The following ARGFX variants were observed in gnomAD, a reference collection of about 807,000 sequenced individuals.
ARGFX encodes the protein arginine-fifty homeobox.
ARGFX carries 10 observed loss-of-function variants against 8.0 expected under a neutral mutation model. That is an observed-to-expected ratio of 1.25 (90% CI 0.77 to 2.12). The LOEUF is 2.12. ARGFX is among the 30% of genes most tolerant of loss of function. The pLI, the probability that ARGFX is intolerant of heterozygous loss-of-function variation, is 0.00. For synonymous variants in ARGFX, 116 were observed against 117.8 expected (o/e 0.98, Z 0.10); for missense variants, 282 against 324.3 (o/e 0.87, Z 1.00).
At chr3:121,584,869 G>A in intron 3 of ARGFX, 48 bp from the exon 4 acceptor site, 1 of 1,577,948 alleles carries the variant, frequency 6.3e-7, no homozygotes, top group Non-Finnish European at 8.6e-7. Context: ...TGGGGGGAGA[G>A]ATTGGTAATG....
At position 121,587,902 on chromosome 3, in the gene ARGFX, CA is replaced by C. The variant is rs1407869494; in HGVS notation, c.*1303del. 6.6e-6 allele frequency among the ~76,000 whole-genome samples: 1 copy of C among 151,942 alleles called. No individual in the cohort carries two copies. Among genetic ancestry groups the C allele is most frequent in the Non-Finnish European group, 1.5e-5 (1 of 68,008 alleles). On this transcript the variant is annotated 3_prime_UTR_variant, in exon 5 of 5. Transcript: ENST00000334384. ...TTGGGTTTTTTTAAAATGAGACTTT[CA>C]GTCCTAATTTGAGGGGAAATTACTG...
chr3:121,575,650 A>G (rs908752035), intron 2 of ARGFX, among the ~76,000 whole-genome samples: 2 of 152,134 alleles, frequency 1.3e-5, no homozygotes, highest in Non-Finnish European at 1.5e-5. Flanking sequence ...ACAGTGCCTC[A>G]TGCCTGTAAT....
intron 1 of ARGFX, among the ~76,000 whole-genome samples, chr3:121,569,068 C>T (rs1429199019): frequency 2.6e-5 from 4 of 152,072 alleles, no homozygotes; most frequent in Non-Finnish European, 4.4e-5. Context: ...AAATGCGTGA[C>T]GTGTTAACTA....
intron 3 of ARGFX, among the ~76,000 whole-genome samples, chr3:121,578,885 G>A (rs966680579): frequency 6.7e-6 from 1 of 149,898 alleles, no homozygotes; most frequent in African/African-American, 2.5e-5. Context: ...CACCATGTTA[G>A]ACAGGATGGT....
rs1414827075 is a variant in ARGFX at position 121,580,604 on chromosome 3, A to ATTTT, written c.220+3705_220+3706insTTTT. ...TGTGTGTGTGTGTGTGTATATATAT[A>ATTTT]TATTTTTTTTTTTTTTTTGAGATGA... On this transcript the variant is annotated intron_variant, in intron 3 of 4. Coordinates refer to ENST00000334384, the MANE Select transcript of ARGFX (RefSeq NM_001012659.2). Among the ~76,000 whole-genome samples the ATTTT allele has an allele frequency of 4.3e-3, 415 of 96,262 alleles. 9 individuals carry two copies. The highest frequency in any genetic ancestry group is 0.022 in the East Asian group (42 of 1,890). The allele number at this position is 96,262 out of a possible 152,430, so 63.2% of individuals were successfully genotyped here.
In ARGFX at chr3:121,588,295, G is replaced by A. The variant is rs144196638; in HGVS notation, c.*1695G>A. 0.026 allele frequency among the ~76,000 whole-genome samples: 3,334 copies of A among 127,368 alleles called. 134 individuals carry two copies. Among genetic ancestry groups the A allele is most frequent in the African/African-American group, 0.094 (3,136 of 33,386 alleles). The allele number at this position is 127,368 out of a possible 152,430, so 83.6% of individuals were successfully genotyped here. ...AGCCTGACTAACATGGTGAAATCCC[G>A]TCTCTACTAAAAATACAAAAAAAAA... On this transcript the variant is annotated 3_prime_UTR_variant, in exon 5 of 5. Transcript: ENST00000334384.
Position 121,586,491 on chromosome 3 carries a change from C to G in ARGFX, c.839C>G (p.Pro280Arg). Reference protein sequence around the residue: ...IFAGPAVGLSPAQTWPNMTSQ... With the variant: ...IFAGPAVGLSRAQTWPNMTSQ... ...GCTGGTCCAGCTGTAGGCCTATCTCCTGCACAAACCTGGCCCAATATGACA... is the reference window on the plus strand; with the variant it reads ...GCTGGTCCAGCTGTAGGCCTATCTCGTGCACAAACCTGGCCCAATATGACA... Residue 280 changes from proline to arginine, a missense_variant, in exon 5 of 5, where the codon CCT becomes CGT. Physicochemically the swap from Pro to Arg is moderately radical, Grantham distance 103. Transcript: ENST00000334384. The G allele has an allele frequency of 6.2e-7, 1 of 1,614,194 alleles. No homozygotes were observed.
Position 121,586,219 on chromosome 3 carries a change from G to C in ARGFX, c.567G>C (p.Trp189Cys). 1 of 1,613,840 alleles carries C rather than the reference G, an allele frequency of 6.2e-7. No individual in the cohort carries two copies. Among genetic ancestry groups the C allele is most frequent in the Non-Finnish European group, 8.5e-7 (1 of 1,179,962 alleles). ...LPSQPLDPSN[W>C]AWNSTFTESS... The stretch of plus-strand genomic sequence containing the variant: ...CTCAGCCCTTAGACCCTTCCAATTG[G>C]GCATGGAACTCTACCTTCACTGAGA... The change falls in exon 5 of 5, where the codon TGG becomes TGC. Residue 189 changes from tryptophan to cysteine, a missense_variant. Trp to Cys is a radical substitution (Grantham distance 215). Coordinates refer to ENST00000334384, the MANE Select transcript of ARGFX (RefSeq NM_001012659.2).
At chr3:121,575,733 G>C (rs1003754257) in intron 2 of ARGFX, among the ~76,000 whole-genome samples, 6 of 152,070 alleles carry the variant, frequency 3.9e-5, no homozygotes, top group African/African-American at 1.4e-4. Flanking sequence ...GGCTGATATG[G>C]TGAAACCCCA....
In ARGFX at chr3:121,588,661, G is replaced by A. The variant is rs2048827836; in HGVS notation, c.*2061G>A. On this transcript the variant is annotated 3_prime_UTR_variant, in exon 5 of 5. Transcript: ENST00000334384. ...AGGCCAGGCGCAGTGGCTCACACCT[G>A]TAATCCCAGCACGTTGGGAGGCCAA... Among the ~76,000 whole-genome samples, 1 of 151,800 alleles carries A rather than the reference G, an allele frequency of 6.6e-6. No individual in the cohort carries two copies.
chr3:121,577,259 A>ATATATATATATTTT (rs1403064031), intron 3 of ARGFX, among the ~76,000 whole-genome samples: 21 of 59,596 alleles, frequency 3.5e-4, no homozygotes, highest in African/African-American at 1.1e-3. Context: ...ATATATATAT[A>ATATATATATATTTT]TTTTTTTTTT....
In ARGFX at chr3:121,586,638, G is replaced by A. The variant is rs1399218445; in HGVS notation, c.*38G>A. 3 of 1,518,584 alleles carry A rather than the reference G, an allele frequency of 2.0e-6. No individual in the cohort carries two copies. Among genetic ancestry groups the A allele is most frequent in the Non-Finnish European group, 2.7e-6 (3 of 1,118,454 alleles). The allele number at this position is 1,518,584 out of a possible 1,614,324, so 94.1% of individuals were successfully genotyped here. On this transcript the variant is annotated 3_prime_UTR_variant, in exon 5 of 5. Transcript: ENST00000334384. ...TAAATATAGATCATTTAGAAAAGTG[G>A]TCTTCTTGCCTCTTGTACATGACTG...
At chr3:121,578,970 C>T (rs1023053966) in intron 3 of ARGFX, among the ~76,000 whole-genome samples, 1 of 152,082 alleles carries the variant, frequency 6.6e-6, no homozygotes, top group Non-Finnish European at 1.5e-5. Context: ...AGCCACCGTG[C>T]CCGGCCTGAA....
chr3:121,573,610 C>A (rs1256879378), intron 2 of ARGFX, among the ~76,000 whole-genome samples: 1 of 150,256 alleles, frequency 6.7e-6, no homozygotes, highest in Non-Finnish European at 1.5e-5. Context: ...AAAAAAAATC[C>A]AATTAAAAAT....
intron 2 of ARGFX, 86 bp downstream of exon 2, chr3:121,570,902 A>C: frequency 1.1e-6 from 1 of 908,254 alleles, no homozygotes; most frequent in Non-Finnish European, 1.6e-6. Flanking sequence ...ATTTGTTTTA[A>C]GGCAGCTATT....
chr3:121,580,521 C>A (rs1336607714), intron 3 of ARGFX, among the ~76,000 whole-genome samples: 2 of 149,934 alleles, frequency 1.3e-5, no homozygotes, highest in African/African-American at 4.9e-5. Context: ...TTTTTGTAGT[C>A]TACTCTCTAT....
chr3:121,584,204 G>GGA (rs1553835948), intron 3 of ARGFX, among the ~76,000 whole-genome samples: 1 of 104,264 alleles, frequency 9.6e-6, no homozygotes, highest in Non-Finnish European at 1.9e-5. Context: ...GACAGAGAGA[G>GGA]AGGAAGGAAG....
At chr3:121,571,281 C>G (rs904197062) in intron 2 of ARGFX, among the ~76,000 whole-genome samples, 25 of 151,886 alleles carry the variant, frequency 1.6e-4, no homozygotes, top group African/African-American at 5.6e-4. Flanking sequence ...GATATTTTAT[C>G]CTGGAGATTT....
At chr3:121,578,201 A>G (rs993680295) in intron 3 of ARGFX, among the ~76,000 whole-genome samples, 1 of 144,136 alleles carries the variant, frequency 6.9e-6, no homozygotes, top group Non-Finnish European at 1.5e-5. Flanking sequence ...ATCTTGGCTC[A>G]CTGCAACCTC....
Sources: allele counts gnomAD v4.1 joint callset (sites outside exome capture counted in the v4.1 genomes callset), GRCh38; gene constraint gnomAD v4.1.1; transcripts MANE v1.5; gene names NCBI Gene and HGNC (gene_info 2026-07-23, HGNC 2026-07-21).